LZTS2: variants seen among roughly 807,000 people sequenced by gnomAD.
LZTS2 encodes the protein leucine zipper putative tumor suppressor 2.
Under a neutral mutation model 60.6 loss-of-function variants are expected in LZTS2, and 32 were observed. The observed-to-expected ratio is 0.53, with a 90% CI of 0.40 to 0.71. The LOEUF is 0.71. Ranked by LOEUF, LZTS2 falls within the 30% of genes least tolerant of loss-of-function variation. The pLI, the probability that LZTS2 is intolerant of heterozygous loss-of-function variation, is 0.00. For synonymous variants in LZTS2, 360 were observed against 393.1 expected (o/e 0.92, Z 1.00); for missense variants, 792 against 901.9 (o/e 0.88, Z 1.56).
chr10:101,004,138 T>A, exon 2 of LZTS2: 1 of 1,606,722 alleles, frequency 6.2e-7, no homozygotes, highest in Non-Finnish European at 8.5e-7. Context: ...CGGGACAGTC[T>A]GGACGAGAAT....
rs1242258902 is a variant in LZTS2 at position 101,007,614 on chromosome 10, G to T, written c.*446G>T. 2.4e-6 allele frequency: 3 copies of T among 1,259,088 alleles called. No individual in the cohort carries two copies. In the Admixed American group the frequency reaches 7.6e-5, roughly 32 times the overall value. 78.0% of individuals were successfully genotyped at this position (1,259,088 alleles called of 1,614,324 possible). A position where few individuals can be genotyped will look rare whatever the true frequency, so the allele number is the denominator to read the frequency against. ...GGGGACAGGGCCGGGCCTGGGCTCGGTTCCCAGGTTTGAGCTCTGCAGCCT... is the reference window on the plus strand; with the variant it reads ...GGGGACAGGGCCGGGCCTGGGCTCGTTTCCCAGGTTTGAGCTCTGCAGCCT... On this transcript the variant is annotated 3_prime_UTR_variant, in exon 4 of 4. Coordinates refer to ENST00000370220, the Ensembl canonical transcript of LZTS2.
chr10:101,006,514 G>C (rs1298295723), exon 4 of LZTS2: 6 of 1,611,056 alleles, frequency 3.7e-6, no homozygotes, highest in Non-Finnish European at 5.1e-6. Flanking sequence ...AGATCTCCCT[G>C]CTGAAGCAGC....
chr10:101,003,158 A>G, intron 1 of LZTS2: 2 of 639,146 alleles, frequency 3.1e-6, no homozygotes, highest in South Asian at 4.4e-5. Context: ...AAGGTCAAAT[A>G]ATGTATAGCA....
exon 1 of LZTS2, chr10:101,000,161 T>C (rs1484598977): frequency 6.6e-6 from 1 of 152,254 alleles, no homozygotes. Context: ...TCCTTGGAGT[T>C]TGGGTGGGAG....
chr10:101,006,870 T>C (rs1330340725), exon 4 of LZTS2: 1 of 1,530,072 alleles, frequency 6.5e-7, no homozygotes, highest in African/African-American at 1.4e-5. Flanking sequence ...GGGGGCAGCT[T>C]GCGGGCCCAG....
chr10:101,007,152 C>A, exon 4 of LZTS2: 1 of 1,589,822 alleles, frequency 6.3e-7, no homozygotes, highest in South Asian at 1.1e-5. Context: ...GAGGAGATCA[C>A]TGCTACTGAG....
chr10:101,006,589 G>A (rs142163703), exon 4 of LZTS2: 24 of 1,608,748 alleles, frequency 1.5e-5, no homozygotes, highest in Non-Finnish European at 1.9e-5. Flanking sequence ...TGCGGGTGGC[G>A]CTGCGGGAGG....
chr10:101,003,054 C>T, intron 1 of LZTS2, 108 bp downstream of exon 2: 2 of 1,339,722 alleles, frequency 1.5e-6, no homozygotes, highest in South Asian at 1.5e-5. Context: ...CCAGATTCAC[C>T]AGACCTGGGT....
exon 4 of LZTS2, chr10:101,007,115 G>A: frequency 6.2e-7 from 1 of 1,609,972 alleles, no homozygotes; most frequent in East Asian, 2.2e-5. Context: ...CCTGGGCCTG[G>A]CCGAGCAGGC....
At chr10:100,997,868 G>A (rs758735813), upstream of LZTS2, among the ~76,000 whole-genome samples, 3 of 152,236 alleles carry the variant, frequency 2.0e-5, no homozygotes, top group Non-Finnish European at 4.4e-5. Flanking sequence ...CTGGAGCCGG[G>A]GCGGAGCAGG....
chr10:101,007,382 C>A, exon 4 of LZTS2: 1 of 1,423,766 alleles, frequency 7.0e-7, no homozygotes, highest in East Asian at 2.6e-5. Flanking sequence ...CCCGTGTTCA[C>A]TGTTACCCAG....
chr10:101,005,343 T>C (rs1018444296), intron 2 of LZTS2, 115 bp from the exon 4 acceptor site: 151 of 1,171,352 alleles, frequency 1.3e-4, no homozygotes, highest in Non-Finnish European at 8.4e-5. Flanking sequence ...CAATTACTAT[T>C]GTTGTTTAAT....
At chr10:101,003,296 A>C in intron 1 of LZTS2, 1 of 543,550 alleles carries the variant, frequency 1.8e-6, no homozygotes, top group Non-Finnish European at 3.1e-6. Flanking sequence ...CCTCATCTGT[A>C]ATATGGGGAT....
At chr10:101,004,993 C>A (rs911488622) in intron 2 of LZTS2, among the ~76,000 whole-genome samples, 1 of 152,148 alleles carries the variant, frequency 6.6e-6, no homozygotes, top group Non-Finnish European at 1.5e-5. Context: ...CCACTGCACC[C>A]GGCCAAGTGC....
chr10:101,004,182 A>T lies in LZTS2; in HGVS notation c.1068+16A>T. ...CATGTGCCAGGTGTGGTCAGAGGCA[A>T]TGATGGGGAAGGGGCATGGCAGGAC... On this transcript the variant is annotated intron_variant, in intron 2 of 3. Transcript: ENST00000370220. 6.3e-7 allele frequency: 1 copy of T among 1,581,428 alleles called. No homozygotes were observed. Among genetic ancestry groups the T allele is most frequent in the East Asian group, 2.3e-5 (1 of 44,192 alleles).
chr10:101,005,649 G>A, exon 3 of LZTS2: 1 of 1,609,342 alleles, frequency 6.2e-7, no homozygotes, highest in Non-Finnish European at 8.5e-7. Flanking sequence ...AGCTGGAGCG[G>A]CGCTGCGCCA....
chr10:101,002,382 A>G (rs987669093), exon 1 of LZTS2: 12 of 577,466 alleles, frequency 2.1e-5, no homozygotes, highest in African/African-American at 5.8e-5. Context: ...TTGAAGGGGG[A>G]GTCTTGGTGG....
intron 3 of LZTS2, among the ~76,000 whole-genome samples, 163 bp from the exon 5 acceptor site, chr10:101,006,322 C>T (rs1852192193): frequency 6.6e-6 from 1 of 152,238 alleles, no homozygotes; most frequent in African/African-American, 2.4e-5. Context: ...CCCATCTTAA[C>T]TGTATGACCT....
chr10:101,005,314 G>T lies in LZTS2; in HGVS notation c.1069-144G>T, dbSNP rs112349943. On this transcript the variant is annotated intron_variant, in intron 2 of 3. Transcript: ENST00000370220. ...GTTTGTTTCTATGATCATCATAAAA[G>T]CAGTTAGTATTGTTGTTGCAATTAC... 223 of 903,502 alleles carry T rather than the reference G, an allele frequency of 2.5e-4. 2 individuals carry two copies. The African/African-American group carries it at 2.9e-3, about 12-fold the overall frequency. 56.0% of individuals were successfully genotyped at this position (903,502 alleles called of 1,614,324 possible). A position where few individuals can be genotyped will look rare whatever the true frequency, so the allele number is the denominator to read the frequency against.
Sources: gnomAD v4.1 joint callset for allele counts (sites outside exome capture counted in the v4.1 genomes callset) on GRCh38, gnomAD v4.1.1 for gene constraint, MANE v1.5 for transcripts, NCBI Gene and HGNC (gene_info 2026-07-23, HGNC 2026-07-21) for gene names.